The following VPS13D variants were observed in gnomAD, a reference collection of about 807,000 sequenced individuals.
The protein encoded by VPS13D is vacuolar protein sorting 13 homolog D.
Under a neutral mutation model 461.9 loss-of-function variants are expected in VPS13D, and 187 were observed. That is an observed-to-expected ratio of 0.40 (90% confidence interval 0.36 to 0.46). VPS13D has a LOEUF of 0.46. VPS13D is among the 20% of genes least tolerant of loss of function. The pLI, the probability that VPS13D is intolerant of heterozygous loss-of-function variation, is 0.60. For synonymous variants in VPS13D, 1,951 were observed against 1,986.3 expected, an observed-to-expected ratio of 0.98 and a Z score of 0.47; for missense variants, 4,711 against 5,364.9, an observed-to-expected ratio of 0.88 and a Z score of 3.81.
intron 65 of VPS13D, among the ~76,000 whole-genome samples, chr1:12,451,334 A>C (rs751259189): frequency 1.3e-4 from 19 of 151,932 alleles, no homozygotes; most frequent in Non-Finnish European, 2.1e-4. Flanking sequence ...TGAGATTTTT[A>C]CCCCCTTGCT....
chr1:12,301,109 T>C (rs1056938613), intron 25 of VPS13D, among the ~76,000 whole-genome samples: 1 of 152,256 alleles, frequency 6.6e-6, no homozygotes, highest in Non-Finnish European at 1.5e-5. Flanking sequence ...GAATGCTTAT[T>C]ATACATCAGC....
intron 26 of VPS13D, 70 bp downstream of exon 26, chr1:12,304,798 G>C (rs1642516933): frequency 3.4e-6 from 5 of 1,466,732 alleles, no homozygotes; most frequent in Admixed American, 1.8e-5. Flanking sequence ...GAAACTGAGG[G>C]GGGTGGGCAT....
chr1:12,457,151 A>C (rs549567076), intron 66 of VPS13D, among the ~76,000 whole-genome samples: 1 of 152,306 alleles, frequency 6.6e-6, no homozygotes, highest in South Asian at 2.1e-4. Context: ...TTAGTACGGC[A>C]TCCAAGGCCC....
chr1:12,290,460 C>T (rs1314577597), intron 22 of VPS13D, among the ~76,000 whole-genome samples: 2 of 152,158 alleles, frequency 1.3e-5, no homozygotes, highest in Non-Finnish European at 2.9e-5. Flanking sequence ...CGGTGGCTCA[C>T]ACCTGTAATC....
At chr1:12,288,376 A>G in intron 22 of VPS13D, 63 bp downstream of exon 22, 1 of 1,424,976 alleles carries the variant, frequency 7.0e-7, no homozygotes, top group Non-Finnish European at 9.9e-7. Context: ...GAACATTGTG[A>G]TCACAAATTG....
intron 27 of VPS13D, among the ~76,000 whole-genome samples, chr1:12,310,776 C>T (rs894876201): frequency 1.6e-4 from 23 of 148,172 alleles, no homozygotes; most frequent in African/African-American, 5.5e-4. Context: ...TTGCTCCTTC[C>T]TTCCTTCCTT....
At chr1:12,335,176 C>T (rs1020360340) in intron 38 of VPS13D, among the ~76,000 whole-genome samples, 2 of 152,160 alleles carry the variant, frequency 1.3e-5, no homozygotes, top group African/African-American at 4.8e-5. Context: ...AAGCGATTGT[C>T]CTGCCTCAGC....
At chr1:12,367,302 C>T (rs1357924579) in intron 52 of VPS13D, among the ~76,000 whole-genome samples, 1 of 152,116 alleles carries the variant, frequency 6.6e-6, no homozygotes, top group Non-Finnish European at 1.5e-5. Flanking sequence ...CTGTGTGTTT[C>T]CCACCATGTC....
At chr1:12,254,988 C>A (rs527988596) in intron 7 of VPS13D, among the ~76,000 whole-genome samples, 1 of 151,790 alleles carries the variant, frequency 6.6e-6, no homozygotes, top group Admixed American at 6.6e-5. Context: ...CTCGGTTGCC[C>A]GGGCTGGAGT....
rs1490032437 is a variant in VPS13D at position 12,508,978 on chromosome 1, T to C, written c.13121T>C (p.Met4374Thr). Reference sequence around the variant, plus strand: ...AGCCTCTACTATGAACAGCAGCTTATGTTAAGACTCAGCGAAAACCGAGAG... The same window carrying C: ...AGCCTCTACTATGAACAGCAGCTTACGTTAAGACTCAGCGAAAACCGAGAG... ...AKSLYYEQQL[M>T]LRLSENREQL... Residue 4374 changes from methionine to threonine, a missense_variant, in exon 70 of 70, where the codon ATG becomes ACG. Coordinates refer to ENST00000620676, the MANE Select transcript of VPS13D (RefSeq NM_015378.4). The C allele has an allele frequency of 1.9e-6, 3 of 1,614,212 alleles. No individual in the cohort carries two copies. Among genetic ancestry groups the C allele is most frequent in the East Asian group, 2.2e-5 (1 of 44,890 alleles).
At chr1:12,483,961 G>C (rs535865548) in intron 67 of VPS13D, among the ~76,000 whole-genome samples, 1 of 151,434 alleles carries the variant, frequency 6.6e-6, no homozygotes, top group East Asian at 1.9e-4. Context: ...TGGTGCCACT[G>C]CACTCCAGCT....
At chr1:12,282,610 T>G (rs578196178) in intron 20 of VPS13D, 95 bp from the exon 21 acceptor site, 1 of 1,205,096 alleles carries the variant, frequency 8.3e-7, no homozygotes, top group African/African-American at 1.5e-5. Flanking sequence ...TACAGCCTCA[T>G]GTAGGAATCA....
rs182814654 is a variant in VPS13D at position 12,361,824 on chromosome 1, G to A, written c.10142-896G>A. On this transcript the variant is annotated intron_variant, in intron 50 of 69. Transcript: ENST00000620676. ...TATTTTTTCCTAATACATAGTAGGC[G>A]CTGAAAACAGTAATTTTATAGATGA... Among the ~76,000 whole-genome samples the A allele has an allele frequency of 4.2e-4, 64 of 152,084 alleles. 1 individual carries two copies. The highest frequency in any genetic ancestry group is 1.5e-3 in the African/African-American group (63 of 41,504).
Position 12,502,116 on chromosome 1 carries a change from A to C in VPS13D, c.12794+4485A>C, listed in dbSNP as rs1646043276. Among the ~76,000 whole-genome samples the C allele has an allele frequency of 6.6e-6, 1 of 152,160 alleles. No homozygotes were observed. Among genetic ancestry groups the C allele is most frequent in the Non-Finnish European group, 1.5e-5 (1 of 68,014 alleles). ...TCCTGTAGGTGGGAGTGAGATTGTGAGGAAGAGGATCCCACTCAAAATTCG... is the reference window on the plus strand; with the variant it reads ...TCCTGTAGGTGGGAGTGAGATTGTGCGGAAGAGGATCCCACTCAAAATTCG... On this transcript the variant is annotated intron_variant, in intron 68 of 69. Transcript: ENST00000620676. This position sits in a 1 kb window ranked among gnomAD's most constrained non-coding sequence, Gnocchi z 4.3.
chr1:12,273,187 T>C, intron 18 of VPS13D, 52 bp downstream of exon 18: 1 of 1,552,920 alleles, frequency 6.4e-7, no homozygotes, highest in Middle Eastern at 1.7e-4. Flanking sequence ...ATGGATGATC[T>C]ATCTATGATT....
intron 65 of VPS13D, among the ~76,000 whole-genome samples, chr1:12,422,931 A>G (rs1215967827): frequency 6.6e-6 from 1 of 151,376 alleles, no homozygotes; most frequent in Non-Finnish European, 1.5e-5. Context: ...AATATGAAAC[A>G]TTAATTACTG....
intron 67 of VPS13D, among the ~76,000 whole-genome samples, chr1:12,466,040 C>A (rs1180056148): frequency 2.0e-5 from 3 of 151,718 alleles, no homozygotes; most frequent in Admixed American, 6.6e-5. Context: ...GAGGCTGAGG[C>A]AGGAGAATTG....
chr1:12,353,377 C>T (rs561433482), intron 46 of VPS13D, among the ~76,000 whole-genome samples: 1 of 151,466 alleles, frequency 6.6e-6, no homozygotes, highest in African/African-American at 2.4e-5. Context: ...ACTAAAAATA[C>T]AAAAAATTAG....
chr1:12,378,377 T>C (rs1644229789), intron 55 of VPS13D, 51 bp from the exon 56 acceptor site: 2 of 1,501,782 alleles, frequency 1.3e-6, no homozygotes, highest in Admixed American at 2.2e-5. Context: ...AGGAGCTAGC[T>C]GTGGCTGCCC....
Sources: gnomAD v4.1 joint callset for allele counts (sites outside exome capture counted in the v4.1 genomes callset) on GRCh38, gnomAD v4.1.1 for gene constraint, Gnocchi (gnomAD v3.1) non-coding constraint, MANE v1.5 for transcripts, NCBI Gene and HGNC (gene_info 2026-07-23, HGNC 2026-07-21) for gene names.